Variants in LIMD1 observed in about 807,000 individuals in gnomAD.
LIMD1 encodes the protein LIM domain containing 1.
A neutral mutation model predicts 58.4 loss-of-function variants in LIMD1; 23 were observed. That is an observed-to-expected ratio of 0.39 (90% confidence interval 0.28 to 0.56). LIMD1 has a LOEUF of 0.56. Ranked by LOEUF, LIMD1 falls within the 20% of genes least tolerant of loss-of-function variation. The pLI is 0.57. For synonymous variants in LIMD1, 334 were observed against 345.5 expected, an observed-to-expected ratio of 0.97 and a Z score of 0.37; for missense variants, 838 against 855.5, an observed-to-expected ratio of 0.98 and a Z score of 0.25.
intron 3 of LIMD1, among the ~76,000 whole-genome samples, chr3:45,666,336 C>T (rs533500058): frequency 2.2e-4 from 34 of 152,316 alleles, no homozygotes; most frequent in African/African-American, 7.5e-4. Context: ...ATTCTGCCTC[C>T]GTTCATACCT....
At chr3:45,596,355 C>G in intron 1 of LIMD1, 68 bp downstream of exon 1, 1 of 1,273,496 alleles carries the variant, frequency 7.9e-7, no homozygotes, top group Non-Finnish European at 1.1e-6. Flanking sequence ...GGAACATGCC[C>G]CCTACCAGGG....
At chr3:45,647,159 C>G (rs2125662031) in intron 2 of LIMD1, among the ~76,000 whole-genome samples, 1 of 152,126 alleles carries the variant, frequency 6.6e-6, no homozygotes, top group East Asian at 1.9e-4. Context: ...ACGTTTTTGC[C>G]TGGTTGTCAT....
Position 45,594,964 on chromosome 3 carries a change from T to C in LIMD1, c.85T>C (p.Phe29Leu), listed in dbSNP as rs762091224. 5.0e-6 allele frequency: 8 copies of C among 1,613,852 alleles called. No individual in the cohort carries two copies. The South Asian group carries it at 7.7e-5, about 16-fold the overall frequency. The change falls in exon 1 of 8, where the codon TTC (phenylalanine) becomes CTC (leucine). Residue 29 changes from phenylalanine to leucine, a missense_variant. Coordinates refer to ENST00000273317, the MANE Select transcript of LIMD1 (RefSeq NM_014240.3). Reference sequence around the variant, plus strand: ...GTATGAGGCCTCTAAGGATGGGCTCTTCCGAGTGGACAAGGGTGCAGGCAA... The same window carrying C: ...GTATGAGGCCTCTAAGGATGGGCTCCTCCGAGTGGACAAGGGTGCAGGCAA... ...NMYEASKDGL[F>L]RVDKGAGNNP...
rs984489844 is a variant in LIMD1 at position 45,681,808 on chromosome 3, C to T, written c.*4749C>T. On this transcript the variant is annotated 3_prime_UTR_variant, in exon 8 of 8. Coordinates refer to ENST00000273317, the MANE Select transcript of LIMD1 (RefSeq NM_014240.3). Reference sequence around the variant, plus strand: ...TGAGAGGCCTTGGAGAATCATATCCCAAGAATCAGCAGTTTCTTTTACTGG... The same window carrying T: ...TGAGAGGCCTTGGAGAATCATATCCTAAGAATCAGCAGTTTCTTTTACTGG... 13 of 152,222 alleles carry T rather than the reference C, an allele frequency of 8.5e-5. No homozygotes were observed. Among genetic ancestry groups the T allele is most frequent in the African/African-American group, 3.1e-4 (13 of 41,452 alleles). The allele number at this position is 152,222 out of a possible 1,614,324, so 9.4% of individuals were successfully genotyped here. A position where few individuals can be genotyped will look rare whatever the true frequency, so the allele number is the denominator to read the frequency against.
intron 2 of LIMD1, among the ~76,000 whole-genome samples, chr3:45,640,309 A>G (rs1193080679): frequency 6.6e-6 from 1 of 152,164 alleles, no homozygotes; most frequent in African/African-American, 2.4e-5. Flanking sequence ...TTCTCTGTCC[A>G]GTCTTATGAC....
At position 45,639,716 on chromosome 3, in the gene LIMD1, G is replaced by A. The variant is rs533726404; in HGVS notation, c.1510+3465G>A. On this transcript the variant is annotated intron_variant, in intron 2 of 7. Coordinates refer to ENST00000273317, the MANE Select transcript of LIMD1 (RefSeq NM_014240.3). ...TTGCTCTTATTGCCCAGGCTGGAGT[G>A]CAGTGGCGCAGTCTCGGCTTACCGC... is the stretch of plus-strand genomic sequence containing the variant. 5.6e-4 allele frequency among the ~76,000 whole-genome samples: 86 copies of A among 152,260 alleles called. 1 individual carries two copies. In the South Asian group the frequency reaches 0.017, roughly 31 times the overall value.
At chr3:45,649,698 A>G (rs1701944190) in intron 2 of LIMD1, among the ~76,000 whole-genome samples, 1 of 133,732 alleles carries the variant, frequency 7.5e-6, no homozygotes, top group Admixed American at 7.4e-5. Flanking sequence ...AAAAAATTAT[A>G]TATATGTATA....
rs1176949955 is a variant in LIMD1, at chr3:45,604,113, G to A, written c.1408+7826G>A. On this transcript the variant is annotated intron_variant, in intron 1 of 7. Coordinates refer to ENST00000273317, the MANE Select transcript of LIMD1 (RefSeq NM_014240.3). ...TGTAAAAACACATTATGGCATGTTT[G>A]GGGATGGATGAATGGAGATCGTGTG... Among the ~76,000 whole-genome samples the A allele has an allele frequency of 2.6e-5, 4 of 152,214 alleles. No homozygotes were observed. In the East Asian group the frequency reaches 7.7e-4, roughly 29 times the overall value.
At chr3:45,638,489 T>A (rs1057291529) in intron 2 of LIMD1, among the ~76,000 whole-genome samples, 4 of 152,224 alleles carry the variant, frequency 2.6e-5, no homozygotes, top group African/African-American at 9.6e-5. Context: ...TGATGTCACT[T>A]TTTTATGGCT....
In LIMD1 at chr3:45,677,705, GAC is replaced by G. The variant is rs1432446415; in HGVS notation, c.*648_*649del. On this transcript the variant is annotated 3_prime_UTR_variant, in exon 8 of 8. Coordinates refer to ENST00000273317, the MANE Select transcript of LIMD1 (RefSeq NM_014240.3). ...AGGCAGGGTTTCCTCCTTAGACACT[GAC>G]AGCATTCTCTGTACCCCTTCAAATC... 1 of 152,276 alleles carries G rather than the reference GAC, an allele frequency of 6.6e-6. No individual in the cohort carries two copies. The highest frequency in any genetic ancestry group is 1.5e-5 in the Non-Finnish European group (1 of 68,100). The allele number at this position is 152,276 out of a possible 1,614,324, so 9.4% of individuals were successfully genotyped here.
chr3:45,607,434 G>C (rs12330308), intron 1 of LIMD1, among the ~76,000 whole-genome samples: 40,382 of 151,856 alleles, frequency 0.27, 5,422 homozygotes, highest in East Asian at 0.36. Context: ...TTCTTGTTGT[G>C]TGACTGTCGC....
chr3:45,653,907 CAAAAAAAA>C (rs35185922), intron 2 of LIMD1, among the ~76,000 whole-genome samples: 1 of 74,884 alleles, frequency 1.3e-5, no homozygotes, highest in Non-Finnish European at 2.5e-5. Context: ...AAGACTGTCT[CAAAAAAAA>C]AAAAAAAAAA....
In LIMD1 at chr3:45,633,852, T is replaced by C. The variant is rs140987726; in HGVS notation, c.1409-2298T>C. Among the ~76,000 whole-genome samples the C allele has an allele frequency of 4.3e-3, 650 of 152,274 alleles. 2 individuals are homozygous for C. The highest frequency in any genetic ancestry group is 6.9e-3 in the Non-Finnish European group (472 of 68,028). ...GGACTTCCTTTGATGGTGATGCAGT[T>C]TATCAACTTAAAATGATATGAACTC... On this transcript the variant is annotated intron_variant, in intron 1 of 7. Transcript: ENST00000273317.
rs181110519 is a variant in LIMD1 at position 45,613,965 on chromosome 3, C to T, written c.1408+17678C>T. Among the ~76,000 whole-genome samples, 221 of 152,214 alleles carry T rather than the reference C, an allele frequency of 1.5e-3. 1 individual carries two copies. Among genetic ancestry groups the T allele is most frequent in the Non-Finnish European group, 2.2e-3 (147 of 68,008 alleles). On this transcript the variant is annotated intron_variant, in intron 1 of 7. Transcript: ENST00000273317. ...CATTCCCACAGCAGTGTGAAAGTTC[C>T]TCTGATTCTCCAGCTGTTTTTAGAA...
At chr3:45,637,671 A>G (rs1701802459) in intron 2 of LIMD1, among the ~76,000 whole-genome samples, 1 of 152,176 alleles carries the variant, frequency 6.6e-6, no homozygotes, top group Non-Finnish European at 1.5e-5. Context: ...CTCATTTTGA[A>G]TCCTTCTGGA....
rs1292212820 is a variant in LIMD1, at chr3:45,664,526, C to T, written c.1511-1124C>T. Among the ~76,000 whole-genome samples, 3 of 152,208 alleles carry T rather than the reference C, an allele frequency of 2.0e-5. No individual in the cohort carries two copies. In the East Asian group the frequency reaches 5.8e-4, roughly 29 times the overall value. On this transcript the variant is annotated intron_variant, in intron 2 of 7. Coordinates refer to ENST00000273317, the MANE Select transcript of LIMD1 (RefSeq NM_014240.3). ...CTACAGGAGGGCTGGGGGAAACATT[C>T]AGACAACACTAGATCTGGTAGCAAC...
intron 4 of LIMD1, among the ~76,000 whole-genome samples, chr3:45,672,050 C>A (rs1179529135): frequency 6.6e-6 from 1 of 152,166 alleles, no homozygotes; most frequent in African/African-American, 2.4e-5. Flanking sequence ...GTTTGTGGGG[C>A]TTTCCCTCTA....
chr3:45,646,865 T>C (rs1701913403), intron 2 of LIMD1, among the ~76,000 whole-genome samples: 1 of 152,080 alleles, frequency 6.6e-6, no homozygotes, highest in Non-Finnish European at 1.5e-5. Context: ...GGAGTCCCAC[T>C]ATGTTGCCCA....
intron 1 of LIMD1, among the ~76,000 whole-genome samples, chr3:45,602,618 G>C (rs1308412658): frequency 6.6e-6 from 1 of 152,164 alleles, no homozygotes; most frequent in Admixed American, 6.5e-5. Flanking sequence ...GCCCTGCCCT[G>C]ACCGGGGCCA....
Sources: gnomAD v4.1 joint callset for allele counts (sites outside exome capture counted in the v4.1 genomes callset) on GRCh38, gnomAD v4.1.1 for gene constraint, MANE v1.5 for transcripts, NCBI Gene and HGNC (gene_info 2026-07-23, HGNC 2026-07-21) for gene names.